MAGI1: variants seen among roughly 807,000 people sequenced by gnomAD.
MAGI1 encodes the protein membrane associated guanylate kinase, WW and PDZ domain containing 1, also known as membrane-associated guanylate kinase, WW and PDZ domain-containing protein 1.
Under a neutral mutation model 139.9 loss-of-function variants are expected in MAGI1, and 58 were observed. That is an observed-to-expected ratio of 0.41 (90% CI 0.34 to 0.52). The LOEUF is 0.52. Ranked by LOEUF, MAGI1 falls within the 20% of genes least tolerant of loss-of-function variation. MAGI1 has a pLI of 0.12. For synonymous variants in MAGI1, 812 were observed against 737.9 expected (o/e 1.10, Z -1.63); for missense variants, 1,874 against 1,901.6 (o/e 0.99, Z 0.27).
At chr3:65,611,105 T>C (rs1025556857) in intron 2 of MAGI1, among the ~76,000 whole-genome samples, 2 of 138,800 alleles carry the variant, frequency 1.4e-5, no homozygotes, top group African/African-American at 5.2e-5. Flanking sequence ...TAATATATAG[T>C]ATATTATATA....
At position 65,926,327 on chromosome 3, in the gene MAGI1, T is replaced by TTCTCTCTCTCTCTC. The variant is rs377665681; in HGVS notation, c.313+111655_313+111668dup. On this transcript the variant is annotated intron_variant, in intron 1 of 22. Transcript: ENST00000402939. Reference sequence around the variant, plus strand: ...GAAGATCCAAGACTGAAGTCTTCTTTTCTCTCTCTCTCTCTCTCTCTCTCT... The same window carrying TTCTCTCTCTCTCTC: ...GAAGATCCAAGACTGAAGTCTTCTTTTCTCTCTCTCTCTCTCTCTCTCTCTCTCTCTCTCTCTCT... Among the ~76,000 whole-genome samples the TTCTCTCTCTCTCTC allele has an allele frequency of 5.1e-3, 592 of 115,584 alleles. 10 individuals are homozygous for TTCTCTCTCTCTCTC. The highest frequency in any genetic ancestry group is 0.012 in the East Asian group (40 of 3,428). The allele number at this position is 115,584 out of a possible 152,430, so 75.8% of individuals were successfully genotyped here. A position where few individuals can be genotyped will look rare whatever the true frequency, so the allele number is the denominator to read the frequency against.
At chr3:65,402,966 G>A (rs932402196) in intron 12 of MAGI1, among the ~76,000 whole-genome samples, 15 of 152,166 alleles carry the variant, frequency 9.9e-5, no homozygotes, top group African/African-American at 3.6e-4. Context: ...CGAGGAATCT[G>A]CAGTATTAAC....
chr3:65,785,207 G>A (rs1159060686), intron 1 of MAGI1, among the ~76,000 whole-genome samples: 1 of 146,074 alleles, frequency 6.8e-6, no homozygotes, highest in African/African-American at 2.5e-5. Flanking sequence ...TTTATTTAAG[G>A]AAGTAGGTGT....
chr3:65,773,800 C>G (rs2038151504), intron 1 of MAGI1, among the ~76,000 whole-genome samples: 1 of 152,070 alleles, frequency 6.6e-6, no homozygotes, highest in Non-Finnish European at 1.5e-5. Context: ...GTGTTTATGC[C>G]TTAATCATAC....
chr3:66,026,255 T>G (rs1440591472), intron 1 of MAGI1, among the ~76,000 whole-genome samples: 1 of 152,132 alleles, frequency 6.6e-6, no homozygotes, highest in Non-Finnish European at 1.5e-5. Context: ...CGCAAGCAGA[T>G]GCACACATCT....
At chr3:65,422,290 C>G (rs552778154) in intron 12 of MAGI1, among the ~76,000 whole-genome samples, 9 of 152,294 alleles carry the variant, frequency 5.9e-5, no homozygotes, top group African/African-American at 1.9e-4. Context: ...GGCTTTGGAA[C>G]CAACATGATT....
intron 5 of MAGI1, among the ~76,000 whole-genome samples, chr3:65,462,279 T>C (rs1949851353): frequency 6.6e-6 from 1 of 152,246 alleles, no homozygotes; most frequent in Non-Finnish European, 1.5e-5. Context: ...TTAATCCATC[T>C]TGAGTTAATT....
intron 1 of MAGI1, among the ~76,000 whole-genome samples, chr3:65,891,878 A>T (rs1366310758): frequency 2.6e-5 from 3 of 115,928 alleles, no homozygotes; most frequent in African/African-American, 9.7e-5. Flanking sequence ...CCTAGAACTT[A>T]AAGTATAATA....
chr3:65,675,662 G>C (rs78193009), intron 1 of MAGI1, among the ~76,000 whole-genome samples: 3 of 152,174 alleles, frequency 2.0e-5, no homozygotes, highest in African/African-American at 4.8e-5. Context: ...GCTCATTACA[G>C]TGTCACAGCG....
intron 2 of MAGI1, among the ~76,000 whole-genome samples, chr3:65,575,990 G>A (rs551069706): frequency 6.6e-6 from 1 of 152,176 alleles, no homozygotes; most frequent in Non-Finnish European, 1.5e-5. Flanking sequence ...TTGTGGTGCT[G>A]GTTTTATGGG....
chr3:65,602,147 G>C (rs1323692630), intron 2 of MAGI1, among the ~76,000 whole-genome samples: 1 of 152,134 alleles, frequency 6.6e-6, no homozygotes, highest in East Asian at 1.9e-4. Flanking sequence ...TTGGAAAACA[G>C]TCTGGCAGTT....
intron 1 of MAGI1, among the ~76,000 whole-genome samples, chr3:65,764,375 C>A (rs1431312633): frequency 6.6e-6 from 1 of 152,176 alleles, no homozygotes; most frequent in Non-Finnish European, 1.5e-5. Context: ...CTCCCCTCTC[C>A]CCCACTATTC....
At chr3:65,983,133 G>A (rs2107290615) in intron 1 of MAGI1, among the ~76,000 whole-genome samples, 1 of 152,164 alleles carries the variant, frequency 6.6e-6, no homozygotes, top group Middle Eastern at 3.4e-3. Context: ...CCCAGGCTGG[G>A]AAAATGAATA....
intron 1 of MAGI1, among the ~76,000 whole-genome samples, chr3:65,630,253 T>C (rs532873559): frequency 2.0e-5 from 3 of 152,284 alleles, no homozygotes; most frequent in African/African-American, 7.2e-5. Context: ...GGTATATGCC[T>C]GCTTTAGGAA....
chr3:65,741,761 T>C (rs1174677643), intron 1 of MAGI1, among the ~76,000 whole-genome samples: 1 of 152,214 alleles, frequency 6.6e-6, no homozygotes, highest in Non-Finnish European at 1.5e-5. Flanking sequence ...TCAAAGGATG[T>C]GTTTCATTTG....
chr3:65,737,105 C>G (rs994021792), intron 1 of MAGI1, among the ~76,000 whole-genome samples: 1 of 151,990 alleles, frequency 6.6e-6, no homozygotes, highest in Admixed American at 6.5e-5. Context: ...CCTGGGTTCA[C>G]ACCATTCTCC....
intron 2 of MAGI1, among the ~76,000 whole-genome samples, chr3:65,591,688 C>G (rs536015102): frequency 5.9e-5 from 9 of 152,302 alleles, no homozygotes; most frequent in African/African-American, 9.6e-5. Context: ...TCCTTATACT[C>G]TGACCTCTCC....
chr3:65,457,591 A>C (rs1405810806), intron 5 of MAGI1, among the ~76,000 whole-genome samples: 1 of 152,092 alleles, frequency 6.6e-6, no homozygotes, highest in Non-Finnish European at 1.5e-5. Context: ...CTTAAATTAT[A>C]TTTTATTTTT....
chr3:66,013,476 T>C (rs945294849), intron 1 of MAGI1, among the ~76,000 whole-genome samples: 5 of 143,384 alleles, frequency 3.5e-5, no homozygotes, highest in African/African-American at 1.0e-4. Context: ...AAGAAAAAGA[T>C]AGAGGCCAGA....
Sources: allele counts gnomAD v4.1 joint callset (sites outside exome capture counted in the v4.1 genomes callset), GRCh38; gene constraint gnomAD v4.1.1; transcripts MANE v1.5; gene names NCBI Gene and HGNC (gene_info 2026-07-23, HGNC 2026-07-21).